The following PPARA variants were observed in gnomAD, a reference collection of about 807,000 sequenced individuals.
The protein encoded by PPARA is peroxisome proliferator activated receptor alpha.
Under a neutral mutation model 42.2 loss-of-function variants are expected in PPARA, and 22 were observed. The observed-to-expected ratio is 0.52, with a 90% CI of 0.37 to 0.74. The LOEUF (loss-of-function observed/expected upper bound fraction) is 0.74, where lower values mean the gene tolerates loss of function less well. Ranked by LOEUF, PPARA falls within the 30% of genes least tolerant of loss-of-function variation. The pLI is 0.00. For synonymous variants in PPARA, 242 were observed against 239.3 expected, an observed-to-expected ratio of 1.01 and a Z score of -0.10; for missense variants, 465 against 608.2, an observed-to-expected ratio of 0.76 and a Z score of 2.48.
At position 46,184,591 on chromosome 22, in the gene PPARA, A is replaced by C. The variant is rs1930404201; in HGVS notation, c.-43+7755A>C. On this transcript the variant is annotated intron_variant, in intron 3 of 8. Coordinates refer to ENST00000407236, the MANE Select transcript of PPARA (RefSeq NM_005036.6). This position sits in a 1 kb window ranked among gnomAD's most constrained non-coding sequence, Gnocchi z 4.4. ...AAAAGTATTCTATTTGGCCAGGCAC[A>C]GTGGCTCACACCTGTAATCCCAGCA... Among the ~76,000 whole-genome samples the C allele has an allele frequency of 1.3e-5, 2 of 152,218 alleles. No individual in the cohort carries two copies. The highest frequency in any genetic ancestry group is 4.8e-5 in the African/African-American group (2 of 41,452).
rs1177958149 is a variant in PPARA, at chr22:46,238,492, GA to G, written c.*3114del. 1 of 152,236 alleles carries G rather than the reference GA, an allele frequency of 6.6e-6. No homozygotes were observed. The highest frequency in any genetic ancestry group is 1.5e-5 in the Non-Finnish European group (1 of 68,048). The allele number at this position is 152,236 out of a possible 1,614,324, so 9.4% of individuals were successfully genotyped here. ...TGTGGCACCCGCTCCCTCTGGCAGCGAATGTAGGAAGTCGCCAAATTTACCC... is the reference window on the plus strand; with the variant it reads ...TGTGGCACCCGCTCCCTCTGGCAGCGATGTAGGAAGTCGCCAAATTTACCC... On this transcript the variant is annotated 3_prime_UTR_variant, in exon 9 of 9. Transcript: ENST00000407236. This position sits in a 1 kb window ranked among gnomAD's most constrained non-coding sequence, Gnocchi z 8.3.
intron 5 of PPARA, 144 bp downstream of exon 5, chr22:46,215,477 C>A: frequency 9.5e-7 from 1 of 1,052,430 alleles, no homozygotes; most frequent in Non-Finnish European, 1.4e-6. Context: ...GTATCTCATG[C>A]CTATAATTCC....
intron 3 of PPARA, among the ~76,000 whole-genome samples, chr22:46,194,381 A>G (rs12330015): frequency 0.14 from 21,355 of 152,166 alleles, 1,690 homozygotes; most frequent in African/African-American, 0.2. Flanking sequence ...CTCCCTGAAT[A>G]TAACGACAAG....
intron 3 of PPARA, among the ~76,000 whole-genome samples, chr22:46,197,755 C>T (rs1338355044): frequency 6.6e-6 from 1 of 151,628 alleles, no homozygotes; most frequent in African/African-American, 2.4e-5. Flanking sequence ...TACAAAAAAA[C>T]TAGCTGGGCG....
intron 4 of PPARA, among the ~76,000 whole-genome samples, chr22:46,198,823 G>C (rs931254939): frequency 2.0e-5 from 3 of 151,936 alleles, no homozygotes; most frequent in Non-Finnish European, 4.4e-5. Context: ...ACCACGCCCA[G>C]CTAATTTTTG....
intron 3 of PPARA, among the ~76,000 whole-genome samples, chr22:46,197,339 T>C (rs5766698): frequency 0.3 from 45,024 of 151,972 alleles, 7,513 homozygotes; most frequent in African/African-American, 0.46. Context: ...TGTGAGCCAC[T>C]GTGCCCGGCC....
rs1416625391 is a variant in PPARA at position 46,243,284 on chromosome 22, ACT to A, written c.*7908_*7909del. On this transcript the variant is annotated 3_prime_UTR_variant, in exon 9 of 9. Coordinates refer to ENST00000407236, the MANE Select transcript of PPARA (RefSeq NM_005036.6). The surrounding 1 kb of genome is among the most constrained non-coding windows in gnomAD (Gnocchi z 5.0). ...ATCCCAGAGCAAGGACTGGGCCCAG[ACT>A]CTCCACATGTGCTCTACTAGTGAGT... 1 of 151,840 alleles carries A rather than the reference ACT, an allele frequency of 6.6e-6. No homozygotes were observed. The highest frequency in any genetic ancestry group is 1.5e-5 in the Non-Finnish European group (1 of 67,962). The allele number at this position is 151,840 out of a possible 1,614,324, so 9.4% of individuals were successfully genotyped here.
rs1392053327 is a variant in PPARA at position 46,241,097 on chromosome 22, C to A, written c.*5717C>A. On this transcript the variant is annotated 3_prime_UTR_variant, in exon 9 of 9. Transcript: ENST00000407236. The surrounding 1 kb of genome is among the most constrained non-coding windows in gnomAD (Gnocchi z 5.7). The stretch of plus-strand genomic sequence containing the variant: ...ATTATTCGATGCCATTAAATCATCC[C>A]GTGACCTTCCTGCTTCCGAGTCCAT... 6.6e-6 allele frequency: 1 copy of A among 152,262 alleles called. No individual in the cohort carries two copies. Among genetic ancestry groups the A allele is most frequent in the Non-Finnish European group, 1.5e-5 (1 of 68,064 alleles). 9.4% of individuals were successfully genotyped at this position (152,262 alleles called of 1,614,324 possible).
intron 2 of PPARA, among the ~76,000 whole-genome samples, chr22:46,170,646 G>A (rs1001254374): frequency 3.9e-4 from 59 of 151,664 alleles, no homozygotes; most frequent in African/African-American, 1.3e-3. Context: ...CCTGGTGTAG[G>A]AGAGGAAGAT....
chr22:46,214,421 C>T (rs1030159162), intron 4 of PPARA, among the ~76,000 whole-genome samples: 3 of 149,332 alleles, frequency 2.0e-5, no homozygotes, highest in Admixed American at 6.7e-5. Context: ...ATGTGCGGAT[C>T]GGAGATGTGG....
At position 46,195,862 on chromosome 22, in the gene PPARA, C is replaced by T. The variant is rs1932172321; in HGVS notation, c.-42-2480C>T. 6.6e-6 allele frequency among the ~76,000 whole-genome samples: 1 copy of T among 152,112 alleles called. No homozygotes were observed. The highest frequency in any genetic ancestry group is 2.1e-4 in the South Asian group (1 of 4,820). On this transcript the variant is annotated intron_variant, in intron 3 of 8. Transcript: ENST00000407236. The surrounding 1 kb of genome is among the most constrained non-coding windows in gnomAD (Gnocchi z 4.6). Reference sequence around the variant, plus strand: ...ATGTGACCATTTTCAGAAAGGAAGACAGTTCTGGAAGCTAAAGGTCACCTA... The same window carrying T: ...ATGTGACCATTTTCAGAAAGGAAGATAGTTCTGGAAGCTAAAGGTCACCTA...
rs146645379 is a variant in PPARA at position 46,184,884 on chromosome 22, G to C, written c.-43+8048G>C. The stretch of plus-strand genomic sequence containing the variant: ...AACAAAAAAAGTATTCTGTTGGATC[G>C]TTTGTGTGCGACGTGTTTTTCCCTC... On this transcript the variant is annotated intron_variant, in intron 3 of 8. Coordinates refer to ENST00000407236, the MANE Select transcript of PPARA (RefSeq NM_005036.6). The surrounding 1 kb of genome is among the most constrained non-coding windows in gnomAD (Gnocchi z 4.4). 1.3e-3 allele frequency among the ~76,000 whole-genome samples: 193 copies of C among 152,246 alleles called. 1 individual carries two copies. Among genetic ancestry groups the C allele is most frequent in the African/African-American group, 4.5e-3 (187 of 41,548 alleles).
In PPARA at chr22:46,237,189, A is replaced by G. The variant is rs1936244036; in HGVS notation, c.*1809A>G. 6.6e-6 allele frequency: 1 copy of G among 152,232 alleles called. No individual in the cohort carries two copies. The allele number at this position is 152,232 out of a possible 1,614,324, so 9.4% of individuals were successfully genotyped here. A position where few individuals can be genotyped will look rare whatever the true frequency, so the allele number is the denominator to read the frequency against. ...TAGGATTGATAAGGGTCCCATGACC[A>G]GCATTATGAAAATGCGAGAGTGGGA... On this transcript the variant is annotated 3_prime_UTR_variant, in exon 9 of 9. Coordinates refer to ENST00000407236, the MANE Select transcript of PPARA (RefSeq NM_005036.6). The surrounding 1 kb of genome is among the most constrained non-coding windows in gnomAD (Gnocchi z 6.7).
Position 46,219,280 on chromosome 22 carries a change from G to C in PPARA, c.509-532G>C, listed in dbSNP as rs926003281. Among the ~76,000 whole-genome samples, 2 of 152,174 alleles carry C rather than the reference G, an allele frequency of 1.3e-5. No individual in the cohort carries two copies. The highest frequency in any genetic ancestry group is 4.8e-5 in the African/African-American group (2 of 41,444). On this transcript the variant is annotated intron_variant, in intron 6 of 8. Coordinates refer to ENST00000407236, the MANE Select transcript of PPARA (RefSeq NM_005036.6). The surrounding 1 kb of genome is among the most constrained non-coding windows in gnomAD (Gnocchi z 4.8). ...TACAGAATCGAAAAACCAAGTGGAAGGCACCAAAATGACAGAATGTTCACC... is the reference window on the plus strand; with the variant it reads ...TACAGAATCGAAAAACCAAGTGGAACGCACCAAAATGACAGAATGTTCACC...
In PPARA at chr22:46,242,917, A is replaced by G. The variant is rs543386370; in HGVS notation, c.*7537A>G. 1 of 152,812 alleles carries G rather than the reference A, an allele frequency of 6.5e-6. No individual in the cohort carries two copies. The highest frequency in any genetic ancestry group is 2.4e-5 in the African/African-American group (1 of 41,598). 9.5% of individuals were successfully genotyped at this position (152,812 alleles called of 1,614,324 possible). On this transcript the variant is annotated 3_prime_UTR_variant, in exon 9 of 9. Transcript: ENST00000407236. The surrounding 1 kb of genome is among the most constrained non-coding windows in gnomAD (Gnocchi z 6.1). The stretch of plus-strand genomic sequence containing the variant: ...CCGTATTAGAGGCCACCGATTTCAT[A>G]CAACAGTGTTTCGCTAAAGACCCTT...
intron 3 of PPARA, among the ~76,000 whole-genome samples, chr22:46,181,501 G>A (rs960138055): frequency 3.3e-5 from 5 of 152,154 alleles, no homozygotes; most frequent in African/African-American, 1.2e-4. Flanking sequence ...GGGCGGGATG[G>A]GAGGAAAAGC....
rs113472456 is a variant in PPARA, at chr22:46,153,269, G to A, written c.-127+1299G>A. 6.2e-3 allele frequency among the ~76,000 whole-genome samples: 891 copies of A among 143,006 alleles called. 11 individuals carry two copies. The highest frequency in any genetic ancestry group is 0.022 in the African/African-American group (835 of 38,410). 93.8% of individuals were successfully genotyped at this position (143,006 alleles called of 152,430 possible). ...ACCGCAACGTCCACCTCACGGATTC[G>A]AACAATACTCCTGCCTCAGCCTCCC... On this transcript the variant is annotated intron_variant, in intron 2 of 8. Coordinates refer to ENST00000407236, the MANE Select transcript of PPARA (RefSeq NM_005036.6).
rs552233049 is a variant in PPARA, at chr22:46,163,790, C to G, written c.-127+11820C>G. 3.9e-5 allele frequency: 6 copies of G among 152,218 alleles called. No homozygotes were observed. The highest frequency in any genetic ancestry group is 1.4e-4 in the African/African-American group (6 of 41,458). 9.4% of individuals were successfully genotyped at this position (152,218 alleles called of 1,614,324 possible). A position where few individuals can be genotyped will look rare whatever the true frequency, so the allele number is the denominator to read the frequency against. ...TCCCTGATGTCCTTGGAGAAGTCGCCCACACTGCTTTCCCCCATGGGAGTG... is the reference window on the plus strand; with the variant it reads ...TCCCTGATGTCCTTGGAGAAGTCGCGCACACTGCTTTCCCCCATGGGAGTG... On this transcript the variant is annotated intron_variant, in intron 2 of 8. Transcript: ENST00000407236. The surrounding 1 kb of genome is among the most constrained non-coding windows in gnomAD (Gnocchi z 4.9).
rs1370284476 is a variant in PPARA, at chr22:46,232,448, T to C, written c.1159+209T>C. Among the ~76,000 whole-genome samples, 1 of 151,848 alleles carries C rather than the reference T, an allele frequency of 6.6e-6. No homozygotes were observed. The highest frequency in any genetic ancestry group is 2.4e-5 in the African/African-American group (1 of 41,396). On this transcript the variant is annotated intron_variant, in intron 8 of 8. Transcript: ENST00000407236. This position sits in a 1 kb window ranked among gnomAD's most constrained non-coding sequence, Gnocchi z 5.3. The stretch of plus-strand genomic sequence containing the variant: ...AATATTATAGTATATATTGTTATTA[T>C]CTATAAATACATATTTAATATTATG...
Sources: allele counts gnomAD v4.1 joint callset (sites outside exome capture counted in the v4.1 genomes callset), GRCh38; gene constraint gnomAD v4.1.1; non-coding constraint Gnocchi (gnomAD v3.1); transcripts MANE v1.5; gene names NCBI Gene and HGNC (gene_info 2026-07-23, HGNC 2026-07-21).